The following PEX5 variants were observed in gnomAD, a reference collection of about 807,000 sequenced individuals.
The protein encoded by PEX5 is peroxisomal biogenesis factor 5.
PEX5 carries 52 observed loss-of-function variants against 82.9 expected under a neutral mutation model. That is an observed-to-expected ratio of 0.63 (90% CI 0.50 to 0.79). The LOEUF (loss-of-function observed/expected upper bound fraction) is 0.79. PEX5 is among the 30% of genes least tolerant of loss of function. PEX5 has a pLI of 0.00. For synonymous variants in PEX5, 300 were observed against 318.8 expected, an observed-to-expected ratio of 0.94 and a Z score of 0.63; for missense variants, 719 against 815.2, an observed-to-expected ratio of 0.88 and a Z score of 1.44.
chr12:7,214,747 TAAA>T (rs1004731521), downstream of PEX5, among the ~76,000 whole-genome samples: 1 of 151,994 alleles, frequency 6.6e-6, no homozygotes, highest in African/African-American at 2.4e-5. Context: ...ATTATTCTCT[TAAA>T]AAATTGTGAA....
In PEX5 at chr12:7,202,556, C is replaced by T. The variant is rs996819517; in HGVS notation, c.754-56C>T. 24 of 1,490,250 alleles carry T rather than the reference C, an allele frequency of 1.6e-5. 1 individual carries two copies. Among genetic ancestry groups the T allele is most frequent in the South Asian group, 5.6e-5 (5 of 88,546 alleles). 92.3% of individuals were successfully genotyped at this position (1,490,250 alleles called of 1,614,324 possible). A position where few individuals can be genotyped will look rare whatever the true frequency, so the allele number is the denominator to read the frequency against. ...TGGTGGTTAGTGGGTATTTAGTGTG[C>T]GTCTGATGGATAGAAAGTTGGTGGT... is the stretch of plus-strand genomic sequence containing the variant. On this transcript the variant is annotated intron_variant, in intron 8 of 15. Coordinates refer to ENST00000675855, the MANE Select transcript of PEX5 (RefSeq NM_001351132.2).
rs754093353 is a variant in PEX5, at chr12:7,202,565, G to A, written c.754-47G>A. ...GTGGGTATTTAGTGTGCGTCTGATGGATAGAAAGTTGGTGGTAGTGGTACT... is the reference window on the plus strand; with the variant it reads ...GTGGGTATTTAGTGTGCGTCTGATGAATAGAAAGTTGGTGGTAGTGGTACT... On this transcript the variant is annotated intron_variant, in intron 8 of 15. Coordinates refer to ENST00000675855, the MANE Select transcript of PEX5 (RefSeq NM_001351132.2). 6 of 1,532,396 alleles carry A rather than the reference G, an allele frequency of 3.9e-6. No homozygotes were observed. The African/African-American group carries it at 8.2e-5, about 21-fold the overall frequency. 94.9% of individuals were successfully genotyped at this position (1,532,396 alleles called of 1,614,324 possible). A position where few individuals can be genotyped will look rare whatever the true frequency, so the allele number is the denominator to read the frequency against.
At chr12:7,190,123 C>CGCGGAGGCCTCTGCAGAG in intron 1 of PEX5, 4 of 1,481,884 alleles carry the variant, frequency 2.7e-6, no homozygotes, top group Non-Finnish European at 3.6e-6. Flanking sequence ...GGACCGTAGT[C>CGCGGAGGCCTCTGCAGAG]GCGGAGGCCT....
chr12:7,202,845 G>T, intron 9 of PEX5, 141 bp downstream of exon 9: 1 of 735,396 alleles, frequency 1.4e-6, no homozygotes, highest in Non-Finnish European at 2.4e-6. Flanking sequence ...TGGGGATGGG[G>T]TGGGTGCTGT....
chr12:7,195,344 G>T (rs1042675157), intron 5 of PEX5, among the ~76,000 whole-genome samples: 2 of 152,098 alleles, frequency 1.3e-5, no homozygotes, highest in African/African-American at 2.4e-5. Context: ...TATCCACATG[G>T]ATCTGATTTT....
At chr12:7,201,154 CACATATAT>C (rs1565700383) in intron 6 of PEX5, among the ~76,000 whole-genome samples, 61 of 50,040 alleles carry the variant, frequency 1.2e-3, no homozygotes, top group Admixed American at 8.5e-3. Flanking sequence ...CACACGCACA[CACATATAT>C]ACACACATAC....
intron 5 of PEX5, among the ~76,000 whole-genome samples, chr12:7,194,486 G>A (rs778512467): frequency 5.3e-5 from 8 of 152,120 alleles, no homozygotes; most frequent in Non-Finnish European, 8.8e-5. Flanking sequence ...TTGTGTGTGT[G>A]TGTTTTTTGC....
Position 7,210,184 on chromosome 12 carries a change from T to C in PEX5, c.1881T>C (p.Asp627=). ...CCTATGGGGCAGCCGACGCGCGGGATCTGTCCACCCTCCTAACTATGTTTG... is the reference window on the plus strand; with the variant it reads ...CCTATGGGGCAGCCGACGCGCGGGACCTGTCCACCCTCCTAACTATGTTTG... ...SDAYGAADAR[D]LSTLLTMFGL... Residue 627 remains aspartate (D), a synonymous_variant, in exon 16 of 16, where the codon GAT becomes GAC. Transcript: ENST00000675855. 1 of 1,614,208 alleles carries C rather than the reference T, an allele frequency of 6.2e-7. No homozygotes were observed. The highest frequency in any genetic ancestry group is 8.5e-7 in the Non-Finnish European group (1 of 1,180,018).
In PEX5 at chr12:7,207,927, G is replaced by A. The variant is rs771459563; in HGVS notation, c.1111-83G>A. 3.4e-5 allele frequency: 52 copies of A among 1,510,732 alleles called. No individual in the cohort carries two copies. In the Admixed American group the frequency reaches 7.5e-4, roughly 22 times the overall value. The allele number at this position is 1,510,732 out of a possible 1,614,324, so 93.6% of individuals were successfully genotyped here. ...TGGCCTAGGATAGGGGCTTGAGAGC[G>A]AGATGGTGAGTGGGAGAAGCCAGGG... On this transcript the variant is annotated intron_variant, in intron 11 of 15. Coordinates refer to ENST00000675855, the MANE Select transcript of PEX5 (RefSeq NM_001351132.2).
chr12:7,197,685 G>A (rs1397798714), intron 5 of PEX5, among the ~76,000 whole-genome samples: 1 of 151,862 alleles, frequency 6.6e-6, no homozygotes, highest in East Asian at 1.9e-4. Flanking sequence ...TTCAGGCAAA[G>A]TTTCAGTTAA....
In PEX5 at chr12:7,208,673, A is replaced by C. The variant is rs752936827; in HGVS notation, c.1394+4A>C. ...TCCTGGGATCTCTCTTGTCTGAGTG[A>C]GTATGAGGGGTTCCTAGGATGAGGA... On this transcript the variant is annotated splice_donor_region_variant and intron_variant, in intron 13 of 15. Transcript: ENST00000675855. 6.2e-7 allele frequency: 1 copy of C among 1,607,416 alleles called. No homozygotes were observed. The highest frequency in any genetic ancestry group is 1.1e-5 in the South Asian group (1 of 90,970).
Position 7,199,002 on chromosome 12 carries a change from T to C in PEX5, c.449-9T>C. 1 of 1,534,540 alleles carries C rather than the reference T, an allele frequency of 6.5e-7. No homozygotes were observed. The highest frequency in any genetic ancestry group is 9.0e-7 in the Non-Finnish European group (1 of 1,112,988). On this transcript the variant is annotated splice_polypyrimidine_tract_variant and intron_variant, in intron 5 of 15. Coordinates refer to ENST00000675855, the MANE Select transcript of PEX5 (RefSeq NM_001351132.2). Reference sequence around the variant, plus strand: ...CTGTGTGATTTCCCCACTTCTCTGCTCCTTGCAGACCCCTTGTCTGTGTCC... The same window carrying C: ...CTGTGTGATTTCCCCACTTCTCTGCCCCTTGCAGACCCCTTGTCTGTGTCC...
rs1056100403 is a variant in PEX5 at position 7,202,442 on chromosome 12, A to G, written c.753+91A>G. 20 of 1,521,910 alleles carry G rather than the reference A, an allele frequency of 1.3e-5. No homozygotes were observed. The South Asian group carries it at 1.5e-4, about 11-fold the overall frequency. The allele number at this position is 1,521,910 out of a possible 1,614,324, so 94.3% of individuals were successfully genotyped here. A position where few individuals can be genotyped will look rare whatever the true frequency, so the allele number is the denominator to read the frequency against. On this transcript the variant is annotated intron_variant, in intron 8 of 15. Coordinates refer to ENST00000675855, the MANE Select transcript of PEX5 (RefSeq NM_001351132.2). Reference sequence around the variant, plus strand: ...GGTCAGTGGTCCCAGATGGGGAAGGATAAGACCAGCTTGTCTTGATAGCAT... The same window carrying G: ...GGTCAGTGGTCCCAGATGGGGAAGGGTAAGACCAGCTTGTCTTGATAGCAT...
intron 1 of PEX5, 143 bp downstream of exon 1, chr12:7,189,893 G>A (rs1176073307): frequency 1.4e-6 from 2 of 1,411,850 alleles, no homozygotes; most frequent in East Asian, 2.7e-5. Flanking sequence ...GAGGGACCGG[G>A]CCGAGCCGGG....
In PEX5 at chr12:7,209,182, G is replaced by A. The variant is rs375427005; in HGVS notation, c.1560+12G>A. 4.3e-6 allele frequency: 7 copies of A among 1,613,102 alleles called. No homozygotes were observed. The highest frequency in any genetic ancestry group is 5.9e-6 in the Non-Finnish European group (7 of 1,179,702). On this transcript the variant is annotated intron_variant, in intron 14 of 15. Transcript: ENST00000675855. Reference sequence around the variant, plus strand: ...GCGTTCGTCCCAATGTGAGCCCAGGGGAGGAATGGAAATGGGACATGACTG... The same window carrying A: ...GCGTTCGTCCCAATGTGAGCCCAGGAGAGGAATGGAAATGGGACATGACTG...
At chr12:7,212,668 C>G (rs1945656132), downstream of PEX5, 1 of 152,034 alleles carries the variant, frequency 6.6e-6, no homozygotes, top group Admixed American at 6.5e-5. Flanking sequence ...GAAAAAAATG[C>G]ATTGAAAAGA....
chr12:7,203,505 C>T lies in PEX5; in HGVS notation c.920C>T (p.Pro307Leu), dbSNP rs1159586988. ...EMAKRDAEAH[P>L]WLSDYDDLTS... ...GCAAAACGGGATGCTGAGGCCCACC[C>T]CTGGCTTTCTGACTATGATGACCTT... The change falls in exon 10 of 16, where the codon CCC (proline) becomes CTC (leucine). Residue 307 changes from proline (P) to leucine (L), a missense_variant. Physicochemically the swap from Pro to Leu is moderately conservative, Grantham distance 98 (BLOSUM62 -3). Transcript: ENST00000675855. 6 of 1,613,810 alleles carry T rather than the reference C, an allele frequency of 3.7e-6. No homozygotes were observed. The African/African-American group carries it at 4.0e-5, about 11-fold the overall frequency.
At chr12:7,218,489 C>T (rs1304128623) in exon 18 of PEX5, 2 of 152,138 alleles carry the variant, frequency 1.3e-5, no homozygotes, top group African/African-American at 4.8e-5. Flanking sequence ...TCTCTACCTA[C>T]CATCTTGGAC....
At chr12:7,208,435 C>A in intron 12 of PEX5, 22 bp from the exon 13 acceptor site, 1 of 1,575,170 alleles carries the variant, frequency 6.3e-7, no homozygotes, top group Non-Finnish European at 8.7e-7. Flanking sequence ...GATATCAAGT[C>A]TGCCCATCCC....
Sources: allele counts gnomAD v4.1 joint callset (sites outside exome capture counted in the v4.1 genomes callset), GRCh38; gene constraint gnomAD v4.1.1; transcripts MANE v1.5; gene names NCBI Gene and HGNC (gene_info 2026-07-23, HGNC 2026-07-21).